The following EGLN1 variants were observed in gnomAD, a reference collection of about 807,000 sequenced individuals.
EGLN1 encodes egl-9 family hypoxia inducible factor 1, also known as egl nine homolog 1.
In EGLN1, 17 loss-of-function variants were observed where a neutral mutation model predicts 38.3. That is an observed-to-expected ratio of 0.44 (90% CI 0.30 to 0.67). EGLN1 has a LOEUF of 0.67. Among genes scored for constraint, EGLN1 ranks in the 30% least tolerant of loss-of-function variants. EGLN1 has a pLI of 0.08. For missense variants in EGLN1, 477 were observed against 603.3 expected (o/e 0.79, Z 2.19); for synonymous variants, 283 against 257.5 (o/e 1.10, Z -0.95).
chr1:231,411,277 C>T (rs565192873), intron 1 of EGLN1, among the ~76,000 whole-genome samples: 2 of 152,278 alleles, frequency 1.3e-5, no homozygotes, highest in Admixed American at 6.5e-5. Context: ...CCTTCTGTCA[C>T]GTAAGACATG....
intron 1 of EGLN1, among the ~76,000 whole-genome samples, chr1:231,398,685 T>C (rs1373768452): frequency 6.6e-6 from 1 of 152,160 alleles, no homozygotes; most frequent in Admixed American, 6.5e-5. Context: ...GAAAGATGAA[T>C]GTAAAGAACA....
At chr1:231,415,850 T>TC (rs995642636) in intron 1 of EGLN1, among the ~76,000 whole-genome samples, 2 of 123,078 alleles carry the variant, frequency 1.6e-5, no homozygotes, top group African/African-American at 7.3e-5. Flanking sequence ...CCATTATCTT[T>TC]CTTTTTTTTT....
Position 231,365,833 on chromosome 1 carries a change from A to G in EGLN1, c.*578T>C, listed in dbSNP as rs1687631082. 1 of 154,060 alleles carries G rather than the reference A, an allele frequency of 6.5e-6. No individual in the cohort carries two copies. Among genetic ancestry groups the G allele is most frequent in the Non-Finnish European group, 1.4e-5 (1 of 69,058 alleles). The allele number at this position is 154,060 out of a possible 1,614,324, so 9.5% of individuals were successfully genotyped here. On this transcript the variant is annotated 3_prime_UTR_variant, in exon 5 of 5. Transcript: ENST00000366641. ...GGACTACAAAACAATCTGATTTTTC[A>G]GTTGTAATTAAAGTGCTCCTTTTCT...
chr1:231,397,555 T>C (rs1466896898), intron 1 of EGLN1, among the ~76,000 whole-genome samples: 9 of 152,164 alleles, frequency 5.9e-5, no homozygotes, highest in East Asian at 1.9e-4. Context: ...AATAGCAGAG[T>C]TGAGTAGTTG....
chr1:231,416,436 A>ATT (rs34818710), intron 1 of EGLN1, among the ~76,000 whole-genome samples: 49 of 141,940 alleles, frequency 3.5e-4, no homozygotes, highest in Non-Finnish European at 5.4e-4. Flanking sequence ...CAAAAAAAAA[A>ATT]TTTTTTTTTT....
At chr1:231,410,858 G>T (rs1572049081) in intron 1 of EGLN1, among the ~76,000 whole-genome samples, 1 of 110,212 alleles carries the variant, frequency 9.1e-6, no homozygotes, top group Non-Finnish European at 1.7e-5. Flanking sequence ...CTAAGGGGTG[G>T]GGGGCGGGGA....
chr1:231,414,938 T>C (rs1200419975), intron 1 of EGLN1, among the ~76,000 whole-genome samples: 2 of 151,926 alleles, frequency 1.3e-5, no homozygotes, highest in African/African-American at 2.4e-5. Flanking sequence ...TTTCACCACG[T>C]TGCCCCCTGG....
At chr1:231,370,976 G>A (rs900411493) in intron 2 of EGLN1, among the ~76,000 whole-genome samples, 3 of 152,112 alleles carry the variant, frequency 2.0e-5, no homozygotes, top group Non-Finnish European at 4.4e-5. Context: ...TGCAACCTCC[G>A]CCTCCTAGGT....
At chr1:231,414,321 A>G (rs1005700074) in intron 1 of EGLN1, among the ~76,000 whole-genome samples, 9 of 152,228 alleles carry the variant, frequency 5.9e-5, no homozygotes, top group Middle Eastern at 3.2e-3. Context: ...TGAAAAATTA[A>G]ACAAAAACAA....
chr1:231,399,385 A>C (rs138775662), intron 1 of EGLN1, among the ~76,000 whole-genome samples: 70 of 152,362 alleles, frequency 4.6e-4, no homozygotes, highest in African/African-American at 1.7e-3. Flanking sequence ...GTAGAATTCA[A>C]ACCCCAGTCT....
chr1:231,370,195 C>G (rs927466197), intron 3 of EGLN1, among the ~76,000 whole-genome samples: 2 of 152,094 alleles, frequency 1.3e-5, no homozygotes, highest in Non-Finnish European at 2.9e-5. Flanking sequence ...TTTAAAAAAC[C>G]CTTTTCCTTC....
intron 1 of EGLN1, among the ~76,000 whole-genome samples, chr1:231,381,597 T>C (rs1489958888): frequency 6.6e-6 from 1 of 152,202 alleles, no homozygotes; most frequent in African/African-American, 2.4e-5. Context: ...AACTTAAGTA[T>C]GATGCTCCCG....
chr1:231,417,226 T>A (rs913326557), intron 1 of EGLN1, among the ~76,000 whole-genome samples: 9 of 152,010 alleles, frequency 5.9e-5, no homozygotes, highest in Admixed American at 5.9e-4. Flanking sequence ...ACCTAACTAA[T>A]TAACTACAGT....
chr1:231,407,183 A>T (rs1688820729), intron 1 of EGLN1, among the ~76,000 whole-genome samples: 2 of 152,108 alleles, frequency 1.3e-5, no homozygotes, highest in South Asian at 2.1e-4. Context: ...ACACTGCCAG[A>T]TTTCTATTTA....
At chr1:231,385,024 G>A (rs1163067811) in intron 1 of EGLN1, among the ~76,000 whole-genome samples, 1 of 152,198 alleles carries the variant, frequency 6.6e-6, no homozygotes, top group African/African-American at 2.4e-5. Flanking sequence ...ATCAGGTGTG[G>A]TACAACGATC....
chr1:231,407,377 C>T (rs147958727), intron 1 of EGLN1, among the ~76,000 whole-genome samples: 203 of 152,252 alleles, frequency 1.3e-3, no homozygotes, highest in African/African-American at 3.5e-3. Flanking sequence ...CCTCCTTCCA[C>T]GTAATTGACA....
Position 231,365,255 on chromosome 1 carries a change from G to A in EGLN1, c.*1156C>T, listed in dbSNP as rs1687611776. The A allele has an allele frequency of 6.6e-6, 1 of 152,134 alleles. No homozygotes were observed. Among genetic ancestry groups the A allele is most frequent in the Non-Finnish European group, 1.5e-5 (1 of 68,034 alleles). 9.4% of individuals were successfully genotyped at this position (152,134 alleles called of 1,614,324 possible). On this transcript the variant is annotated 3_prime_UTR_variant, in exon 5 of 5. Transcript: ENST00000366641. ...AAAAAACATAACAGCAAATTTGGAA[G>A]TACAATCAATTTAAGGAGAAGCAAA...
Position 231,421,762 on chromosome 1 carries a change from A to T in EGLN1, c.127T>A (p.Cys43Ser), listed in dbSNP as rs748429073. 11 of 1,554,730 alleles carry T rather than the reference A, an allele frequency of 7.1e-6. No homozygotes were observed. The highest frequency in any genetic ancestry group is 1.4e-5 in the African/African-American group (1 of 71,572). Residue 43 changes from cysteine (C) to serine (S), a missense_variant, in exon 1 of 5, where the codon TGC becomes AGC. Cys to Ser is a moderately radical substitution (Grantham distance 112). Around this residue, in one of 4 missense-constraint regions of EGLN1, gnomAD observed 298 missense variants for 288.9 expected, o/e 1.03. Coordinates refer to ENST00000366641, the MANE Select transcript of EGLN1 (RefSeq NM_022051.3). The surrounding 1 kb of genome is among the most constrained non-coding windows in gnomAD (Gnocchi z 5.5). ...CAGTCCTGACGCTGGTGCTCCTTGC[A>T]GCAGTAGAAGGAGCTGCGGCAGCGG... Reference protein sequence around the residue: ...CSRCRSSFYCCKEHQRQDWKK... With the variant: ...CSRCRSSFYCSKEHQRQDWKK...
At chr1:231,413,760 T>C (rs537264320) in intron 1 of EGLN1, among the ~76,000 whole-genome samples, 11 of 152,090 alleles carry the variant, frequency 7.2e-5, no homozygotes, top group East Asian at 5.8e-4. Flanking sequence ...TGAGTGAAAA[T>C]AGTATCAAAA....
Sources: allele counts gnomAD v4.1 joint callset (sites outside exome capture counted in the v4.1 genomes callset), GRCh38; gene constraint gnomAD v4.1.1; regional missense constraint gnomAD v4.1.1; non-coding constraint Gnocchi (gnomAD v3.1); transcripts MANE v1.5; gene names NCBI Gene and HGNC (gene_info 2026-07-23, HGNC 2026-07-21).